Variants in TP73 observed in about 807,000 individuals in gnomAD.
TP73 encodes p53-like transcription factor.
Under a neutral mutation model 62.5 loss-of-function variants are expected in TP73, and 25 were observed. The ratio of observed to expected loss-of-function variants is 0.40; its 90% CI spans 0.29 to 0.56. TP73 has a LOEUF of 0.56. TP73 is among the 20% of genes least tolerant of loss of function. The pLI, the probability that TP73 is intolerant of heterozygous loss-of-function variation, is 0.46. For synonymous variants in TP73, 423 were observed against 377.5 expected, an observed-to-expected ratio of 1.12 and a Z score of -1.40; for missense variants, 754 against 913.3, an observed-to-expected ratio of 0.83 and a Z score of 2.25.
chr1:3,693,770 A>AGCCC (rs1459985902), intron 3 of TP73, among the ~76,000 whole-genome samples: 7 of 43,470 alleles, frequency 1.6e-4, no homozygotes, highest in East Asian at 5.9e-4. Context: ...AATCCCACCC[A>AGCCC]TGCAGCCTCA....
At chr1:3,728,244 C>T (rs375613740) in intron 9 of TP73, 27 bp downstream of exon 9, 25 of 1,603,124 alleles carry the variant, frequency 1.6e-5, no homozygotes, top group African/African-American at 4.0e-5. Flanking sequence ...GCACGGCAGC[C>T]GGGAGACCTG....
intron 10 of TP73, 160 bp downstream of exon 10, chr1:3,729,608 G>A (rs1386825767): frequency 7.4e-7 from 1 of 1,360,112 alleles, no homozygotes; most frequent in Non-Finnish European, 1.0e-6. Context: ...CCTCCTCCAG[G>A]AAGCCTTCTA....
chr1:3,667,852 C>G (rs1004348063), intron 1 of TP73, among the ~76,000 whole-genome samples: 1 of 152,140 alleles, frequency 6.6e-6, no homozygotes, highest in Non-Finnish European at 1.5e-5. Flanking sequence ...TAAAATAGGG[C>G]AGGGGAGTTC....
intron 6 of TP73, among the ~76,000 whole-genome samples, chr1:3,723,752 G>A (rs1273244253): frequency 1.3e-5 from 2 of 152,264 alleles, no homozygotes; most frequent in Non-Finnish European, 2.9e-5. Flanking sequence ...TGGGTCTTCA[G>A]CCTTGCCCTC....
chr1:3,674,030 G>A (rs1267105962), intron 1 of TP73, among the ~76,000 whole-genome samples: 3 of 152,300 alleles, frequency 2.0e-5, no homozygotes, highest in Non-Finnish European at 4.4e-5. Context: ...CTCTGTGCAT[G>A]TCTCCTGGTT....
intron 13 of TP73, among the ~76,000 whole-genome samples, chr1:3,731,869 TG>T: frequency 6.6e-6 from 1 of 152,298 alleles, no homozygotes; most frequent in African/African-American, 2.4e-5. Flanking sequence ...AACAGAAGAA[TG>T]TAAGGCCCCG....
chr1:3,733,738 GA>G lies in TP73; in HGVS notation c.*660del, dbSNP rs1197193987. On this transcript the variant is annotated 3_prime_UTR_variant, in exon 14 of 14. Coordinates refer to ENST00000378295, the MANE Select transcript of TP73 (RefSeq NM_005427.4). Reference sequence around the variant, plus strand: ...GTTGCTGAAATTGGAGAAAACTGGGGAGGGCGCAACCCCCCCCAGGCGCGGG... The same window carrying G: ...GTTGCTGAAATTGGAGAAAACTGGGGGGGCGCAACCCCCCCCAGGCGCGGG... 6.6e-6 allele frequency: 1 copy of G among 152,468 alleles called. No individual in the cohort carries two copies. Among genetic ancestry groups the G allele is most frequent in the Non-Finnish European group, 1.5e-5 (1 of 68,238 alleles). 9.4% of individuals were successfully genotyped at this position (152,468 alleles called of 1,614,324 possible). A position where few individuals can be genotyped will look rare whatever the true frequency, so the allele number is the denominator to read the frequency against.
At chr1:3,710,988 C>CAGTG (rs1383617371) in intron 4 of TP73, among the ~76,000 whole-genome samples, 3 of 152,308 alleles carry the variant, frequency 2.0e-5, no homozygotes, top group South Asian at 2.1e-4. Context: ...AACCAGTGAC[C>CAGTG]AGTGACAGGG....
chr1:3,727,731 A>G lies in TP73; in HGVS notation c.946A>G (p.Asn316Asp), dbSNP rs1235864444. ...EDHYREQQAL[N>D]ESSAKNGAAS... The stretch of plus-strand genomic sequence containing the variant: ...CCACTACCGGGAGCAGCAGGCCCTG[A>G]ACGAGAGCTCCGCCAAGAACGGGGC... The change falls in exon 8 of 14, where the codon AAC (asparagine) becomes GAC (aspartate). Residue 316 changes from asparagine to aspartate, a missense_variant. This residue lies in a region of TP73 where 458 missense variants were observed against 528.7 expected (regional missense o/e 0.87). Transcript: ENST00000378295. 1 of 1,559,692 alleles carries G rather than the reference A, an allele frequency of 6.4e-7. No homozygotes were observed. The highest frequency in any genetic ancestry group is 8.7e-7 in the Non-Finnish European group (1 of 1,153,200).
intron 1 of TP73, among the ~76,000 whole-genome samples, chr1:3,673,990 C>G (rs1645303040): frequency 6.6e-6 from 1 of 152,186 alleles, no homozygotes; most frequent in South Asian, 2.1e-4. Flanking sequence ...CCCTGACCAG[C>G]TGTGTGCCCA....
chr1:3,695,106 A>G (rs1381747981), intron 3 of TP73, among the ~76,000 whole-genome samples: 1 of 152,250 alleles, frequency 6.6e-6, no homozygotes, highest in African/African-American at 2.4e-5. Context: ...GCTCCCACGG[A>G]CTGGGGTTGA....
chr1:3,732,365 C>A (rs1642198777), intron 13 of TP73, among the ~76,000 whole-genome samples: 2 of 151,488 alleles, frequency 1.3e-5, no homozygotes, highest in African/African-American at 4.8e-5. Flanking sequence ...TCACGTTAAC[C>A]CTTGCCTCCC....
rs149206128 is a variant in TP73 at position 3,732,694 on chromosome 1, C to T, written c.1579-53C>T. 1.6e-3 allele frequency: 2,318 copies of T among 1,493,568 alleles called. 31 individuals carry two copies. The African/African-American group carries it at 0.029, about 18-fold the overall frequency. The allele number at this position is 1,493,568 out of a possible 1,614,324, so 92.5% of individuals were successfully genotyped here. On this transcript the variant is annotated intron_variant, in intron 13 of 13. Transcript: ENST00000378295. ...GACCTCCAGGCCCAGGGCGACCCCC[C>T]CTGCTCTCCCTGCTCCACTGCCCCC...
chr1:3,702,001 T>C (rs3819959), intron 3 of TP73, among the ~76,000 whole-genome samples: 44,979 of 152,092 alleles, frequency 0.3, 7,837 homozygotes, highest in East Asian at 0.38. Context: ...AGGCCTGGTT[T>C]CCAGGATGGT....
intron 4 of TP73, among the ~76,000 whole-genome samples, 154 bp from the exon 5 acceptor site, chr1:3,721,867 G>A (rs543739996): frequency 8.5e-5 from 13 of 152,352 alleles, no homozygotes; most frequent in Non-Finnish European, 1.3e-4. Flanking sequence ...CAGACACCTG[G>A]AGGGATTCAG....
chr1:3,727,666 T>C lies in TP73; in HGVS notation c.881T>C (p.Ile294Thr), dbSNP rs1191971220. 1 of 1,599,108 alleles carries C rather than the reference T, an allele frequency of 6.3e-7. No individual in the cohort carries two copies. Reference protein sequence around the residue: ...VLGRRSFEGRICACPGRDRKA... With the variant: ...VLGRRSFEGRTCACPGRDRKA... The stretch of plus-strand genomic sequence containing the variant: ...GGCCGCCGGTCCTTTGAGGGCCGCA[T>C]CTGCGCCTGTCCTGGCCGCGACCGA... Residue 294 changes from isoleucine (I) to threonine (T), a missense_variant, in exon 8 of 14, where the codon ATC becomes ACC. Coordinates refer to ENST00000378295, the MANE Select transcript of TP73 (RefSeq NM_005427.4).
rs745486154 is a variant in TP73, at chr1:3,732,731, C to A, written c.1579-16C>A. The A allele has an allele frequency of 1.3e-6, 2 of 1,551,156 alleles. No homozygotes were observed. The highest frequency in any genetic ancestry group is 2.7e-5 in the African/African-American group (2 of 73,538). Reference sequence around the variant, plus strand: ...GCTCCACTGCCCCCTGCCCCTAATGCGCCGGCCTCTCGCAGGACCTGGGGG... The same window carrying A: ...GCTCCACTGCCCCCTGCCCCTAATGAGCCGGCCTCTCGCAGGACCTGGGGG... On this transcript the variant is annotated splice_polypyrimidine_tract_variant and intron_variant, in intron 13 of 13. Transcript: ENST00000378295.
At chr1:3,679,981 G>A (rs989168071) in intron 1 of TP73, among the ~76,000 whole-genome samples, 2 of 149,682 alleles carry the variant, frequency 1.3e-5, no homozygotes, top group Non-Finnish European at 3.0e-5. Flanking sequence ...CTGTCTCTCT[G>A]TCTCTCTTCC....
In TP73 at chr1:3,707,768, A is replaced by C. The variant is rs762783806; in HGVS notation, c.406A>C (p.Thr136Pro). The stretch of plus-strand genomic sequence containing the variant: ...TGAGGTCACTTTCCAGCAGTCCAGC[A>C]CGGCCAAGTCAGCCACCTGGACGGT... ...HFEVTFQQSS[T>P]AKSATWTYSP... The change falls in exon 4 of 14, where the codon ACG becomes CCG. Residue 136 changes from threonine to proline, a missense_variant. Around this residue, in one of 3 missense-constraint regions of TP73, gnomAD observed 235 missense variants for 251.4 expected, o/e 0.93. Transcript: ENST00000378295. 6.2e-7 allele frequency: 1 copy of C among 1,612,952 alleles called. No individual in the cohort carries two copies. Among genetic ancestry groups the C allele is most frequent in the South Asian group, 1.1e-5 (1 of 91,080 alleles).
Sources: allele counts gnomAD v4.1 joint callset (sites outside exome capture counted in the v4.1 genomes callset), GRCh38; gene constraint gnomAD v4.1.1; regional missense constraint gnomAD v4.1.1; transcripts MANE v1.5; gene names NCBI Gene and HGNC (gene_info 2026-07-23, HGNC 2026-07-21).